FBXW7: variants seen among roughly 807,000 people sequenced by gnomAD.
FBXW7 encodes F-box and WD repeat domain containing 7, also known as F-box/WD repeat-containing protein 7.
In FBXW7, 11 loss-of-function variants were observed where a neutral mutation model predicts 86.3. That is an observed-to-expected ratio of 0.13 (90% CI 0.08 to 0.21). The LOEUF is 0.21. Ranked by LOEUF, FBXW7 falls within the 10% of genes least tolerant of loss-of-function variation. FBXW7 has a pLI of 1.00. For synonymous variants in FBXW7, 313 were observed against 297.9 expected (o/e 1.05, Z -0.52); for missense variants, 488 against 847.4 (o/e 0.58, Z 5.27).
At chr4:152,524,051 A>G (rs1304230307) in intron 2 of FBXW7, among the ~76,000 whole-genome samples, 1 of 152,222 alleles carries the variant, frequency 6.6e-6, no homozygotes, top group Non-Finnish European at 1.5e-5. Flanking sequence ...ACTTAATACT[A>G]TAATATTTCT....
intron 5 of FBXW7, chr4:152,348,747 T>C (rs1205729614): frequency 2.7e-6 from 3 of 1,095,742 alleles, no homozygotes; most frequent in Non-Finnish European, 3.6e-6. Flanking sequence ...TAGTTTAACA[T>C]TAAATGCAAA....
At chr4:152,363,018 T>C (rs1429177679) in intron 4 of FBXW7, among the ~76,000 whole-genome samples, 1 of 152,160 alleles carries the variant, frequency 6.6e-6, no homozygotes, top group Non-Finnish European at 1.5e-5. Context: ...TAGACTAAGA[T>C]GTAATTTACC....
In FBXW7 at chr4:152,321,450, CAG is replaced by C. The variant is rs1438845789; in HGVS notation, c.*1429_*1430del. ...TAAATAAAACAAACAAAAAAATAAA[CAG>C]AAGGAGGAAAAAAGATCGCCTAGGA... is the stretch of plus-strand genomic sequence containing the variant. On this transcript the variant is annotated 3_prime_UTR_variant, in exon 14 of 14. Transcript: ENST00000281708. 8.6e-6 allele frequency: 2 copies of C among 232,658 alleles called. No homozygotes were observed. Among genetic ancestry groups the C allele is most frequent in the African/African-American group, 4.4e-5 (2 of 45,238 alleles). 14.4% of individuals were successfully genotyped at this position (232,658 alleles called of 1,614,324 possible). A position where few individuals can be genotyped will look rare whatever the true frequency, so the allele number is the denominator to read the frequency against.
chr4:152,489,753 C>T (rs1306042715), intron 2 of FBXW7, among the ~76,000 whole-genome samples: 2 of 151,932 alleles, frequency 1.3e-5, no homozygotes, highest in Non-Finnish European at 2.9e-5. Flanking sequence ...GGAACTGAAA[C>T]CTGGCACCCT....
intron 4 of FBXW7, among the ~76,000 whole-genome samples, chr4:152,360,245 G>A (rs1266795849): frequency 6.6e-6 from 1 of 152,136 alleles, no homozygotes; most frequent in Non-Finnish European, 1.5e-5. Context: ...TGGGTGTGAA[G>A]ACTGTTGACT....
chr4:152,505,313 A>G (rs1336990291), intron 2 of FBXW7, among the ~76,000 whole-genome samples: 2 of 152,200 alleles, frequency 1.3e-5, no homozygotes, highest in Admixed American at 6.5e-5. Flanking sequence ...CTTTATAAAC[A>G]GTGTGCACTT....
intron 2 of FBXW7, among the ~76,000 whole-genome samples, chr4:152,475,479 G>A (rs935873967): frequency 6.6e-6 from 1 of 152,048 alleles, no homozygotes; most frequent in African/African-American, 2.4e-5. Flanking sequence ...ACAAAGCAAA[G>A]ATGTGTTTTT....
intron 2 of FBXW7, among the ~76,000 whole-genome samples, chr4:152,425,668 T>C (rs1211523507): frequency 2.0e-5 from 3 of 151,220 alleles, no homozygotes; most frequent in Non-Finnish European, 2.9e-5. Context: ...AAGAAATCCA[T>C]ATGGCCAAGT....
At chr4:152,341,649 TAGAG>T (rs1214500080) in intron 6 of FBXW7, among the ~76,000 whole-genome samples, 1 of 152,202 alleles carries the variant, frequency 6.6e-6, no homozygotes, top group Non-Finnish European at 1.5e-5. Context: ...ACTCTATCTC[TAGAG>T]AGTGTTTCTA....
intron 6 of FBXW7, among the ~76,000 whole-genome samples, chr4:152,343,342 T>C (rs1730925760): frequency 6.6e-6 from 1 of 152,104 alleles, no homozygotes; most frequent in Non-Finnish European, 1.5e-5. Flanking sequence ...TCTGAGAAAA[T>C]TTCTGAGGTC....
At chr4:152,411,975 A>G (rs1738006296) in intron 3 of FBXW7, 103 bp from the exon 4 acceptor site, 1 of 1,100,800 alleles carries the variant, frequency 9.1e-7, no homozygotes, top group Non-Finnish European at 1.2e-6. Flanking sequence ...TGATTGCAAA[A>G]AAGTATTGAT....
intron 4 of FBXW7, chr4:152,382,529 C>T: frequency 1.3e-5 from 15 of 1,159,160 alleles, no homozygotes; most frequent in East Asian, 3.8e-5. Context: ...TGGTGAAGTG[C>T]AAACTATCCT....
At chr4:152,472,290 T>C (rs888980986) in intron 2 of FBXW7, among the ~76,000 whole-genome samples, 2 of 152,190 alleles carry the variant, frequency 1.3e-5, no homozygotes, top group African/African-American at 4.8e-5. Context: ...ATACTACCCC[T>C]GAGCATACAC....
chr4:152,513,440 T>C (rs910218843), intron 2 of FBXW7, among the ~76,000 whole-genome samples: 1 of 152,154 alleles, frequency 6.6e-6, no homozygotes, highest in Non-Finnish European at 1.5e-5. Context: ...GAGACCCTAT[T>C]GGAGGATACA....
chr4:152,469,250 A>G (rs962262526), intron 2 of FBXW7, among the ~76,000 whole-genome samples: 2 of 152,094 alleles, frequency 1.3e-5, no homozygotes, highest in African/African-American at 4.8e-5. Context: ...CATATTTAAT[A>G]ACTTTAAAAT....
At chr4:152,377,754 CAA>C (rs546746093) in intron 4 of FBXW7, among the ~76,000 whole-genome samples, 6 of 68,576 alleles carry the variant, frequency 8.7e-5, no homozygotes, top group Admixed American at 1.6e-4. Context: ...GAGTCTGTCT[CAA>C]AAAAAAAAAA....
chr4:152,330,713 T>G lies in FBXW7; in HGVS notation c.1122+19A>C, dbSNP rs568405767. The G allele has an allele frequency of 6.2e-7, 1 of 1,608,038 alleles. No homozygotes were observed. The highest frequency in any genetic ancestry group is 1.3e-5 in the African/African-American group (1 of 74,740). On this transcript the variant is annotated intron_variant, in intron 9 of 13. Transcript: ENST00000281708. ...ACACTGATTAACGGTTTCTGTTACA[T>G]TGTGCAGAGTTCAGTTACCTTAGGA...
intron 2 of FBXW7, among the ~76,000 whole-genome samples, chr4:152,462,796 G>GA (rs1347000622): frequency 6.6e-6 from 1 of 152,036 alleles, no homozygotes; most frequent in African/African-American, 2.4e-5. Context: ...CTTAAAAGAA[G>GA]AATCTCGAAA....
At chr4:152,355,862 G>C (rs1206335187) in intron 4 of FBXW7, among the ~76,000 whole-genome samples, 1 of 152,068 alleles carries the variant, frequency 6.6e-6, no homozygotes, top group Non-Finnish European at 1.5e-5. Context: ...TGATGCCATA[G>C]AATCATTAAC....
Sources: allele counts gnomAD v4.1 joint callset (sites outside exome capture counted in the v4.1 genomes callset), GRCh38; gene constraint gnomAD v4.1.1; transcripts MANE v1.5; gene names NCBI Gene and HGNC (gene_info 2026-07-23, HGNC 2026-07-21).